Variants in DLG1 observed in about 807,000 individuals in gnomAD.
DLG1 encodes discs large MAGUK scaffold protein 1.
A neutral mutation model predicts 123.4 loss-of-function variants in DLG1; 42 were observed. That is an observed-to-expected ratio of 0.34 (90% CI 0.27 to 0.44). The LOEUF (loss-of-function observed/expected upper bound fraction) is 0.44, where lower values mean the gene tolerates loss of function less well. Ranked by LOEUF, DLG1 falls within the 20% of genes least tolerant of loss-of-function variation. DLG1 has a pLI of 1.00. For missense variants in DLG1, 942 were observed against 1,082.6 expected (o/e 0.87, Z 1.82); for synonymous variants, 317 against 356.2 (o/e 0.89, Z 1.24).
At chr3:197,147,472 C>CACACA (rs1791502241) in intron 6 of DLG1, among the ~76,000 whole-genome samples, 1 of 128,444 alleles carries the variant, frequency 7.8e-6, no homozygotes, top group Admixed American at 7.8e-5. Flanking sequence ...ACACACACAC[C>CACACA]ATGGAATACT....
intron 4 of DLG1, among the ~76,000 whole-genome samples, chr3:197,224,818 T>C (rs1738934621): frequency 6.6e-6 from 1 of 152,146 alleles, no homozygotes. Context: ...ACATCAGCAA[T>C]TGAAAAGTTT....
intron 15 of DLG1, among the ~76,000 whole-genome samples, chr3:197,086,957 C>A (rs185469225): frequency 3.3e-5 from 5 of 152,030 alleles, no homozygotes; most frequent in Non-Finnish European, 7.4e-5. Flanking sequence ...TCTCTACTTA[C>A]GTTAGCATTT....
At chr3:197,115,794 A>G in intron 13 of DLG1, 133 bp downstream of exon 13, 1 of 850,768 alleles carries the variant, frequency 1.2e-6, no homozygotes, top group Non-Finnish European at 1.8e-6. Context: ...CAATTCTACA[A>G]TTAAGCTGTA....
chr3:197,232,910 T>C (rs545647522), intron 4 of DLG1, among the ~76,000 whole-genome samples: 5 of 137,738 alleles, frequency 3.6e-5, no homozygotes, highest in African/African-American at 1.4e-4. Context: ...TGAAAGACGA[T>C]GCTTTCTCCT....
intron 5 of DLG1, among the ~76,000 whole-genome samples, chr3:197,178,513 C>T (rs1808354620): frequency 6.6e-6 from 1 of 152,014 alleles, no homozygotes; most frequent in Non-Finnish European, 1.5e-5. Flanking sequence ...ATATAAAAGT[C>T]TAATGTACAG....
At chr3:197,083,026 T>C (rs1330880771) in intron 16 of DLG1, among the ~76,000 whole-genome samples, 2 of 152,200 alleles carry the variant, frequency 1.3e-5, no homozygotes, top group Non-Finnish European at 1.5e-5. Context: ...CAACAAGGCA[T>C]AGAGGAAGCA....
At chr3:197,268,586 A>C (rs549502359) in intron 4 of DLG1, among the ~76,000 whole-genome samples, 1 of 151,546 alleles carries the variant, frequency 6.6e-6, no homozygotes, top group Non-Finnish European at 1.5e-5. Flanking sequence ...AACCACGCCT[A>C]ATTTTTTTTT....
intron 9 of DLG1, among the ~76,000 whole-genome samples, chr3:197,137,983 C>CAAAAA (rs754605972): frequency 6.7e-6 from 1 of 149,052 alleles, no homozygotes. Context: ...AAAAAACAAA[C>CAAAAA]AAAAAAACCC....
intron 4 of DLG1, among the ~76,000 whole-genome samples, chr3:197,259,361 CAAGAA>C (rs531319016): frequency 3.2e-4 from 49 of 152,216 alleles, no homozygotes; most frequent in African/African-American, 1.1e-3. Flanking sequence ...CTCTGAGCAA[CAAGAA>C]AAGAAAACTA....
In DLG1 at chr3:197,069,279, G is replaced by GAA; in HGVS notation, c.2006-21_2006-20dup. 6.4e-7 allele frequency: 1 copy of GAA among 1,558,640 alleles called. No individual in the cohort carries two copies. Among genetic ancestry groups the GAA allele is most frequent in the South Asian group, 1.2e-5 (1 of 83,304 alleles). ...ACATGCTCTGAAATTGCAGGACAAT[G>GAA]AAAAAAAATAAAACAGTGTCATGAG... On this transcript the variant is annotated intron_variant, in intron 18 of 24. Coordinates refer to ENST00000667157, the MANE Select transcript of DLG1 (RefSeq NM_001366207.1).
In DLG1 at chr3:197,199,052, G is replaced by A. The variant is rs374035724; in HGVS notation, c.319-4463C>T. On this transcript the variant is annotated intron_variant, in intron 4 of 24. Transcript: ENST00000667157. ...TAAAAGAGTAAATTTTACACTATAT[G>A]AGTACCTTCAAATTATTATAAAAAT... 3.3e-5 allele frequency among the ~76,000 whole-genome samples: 5 copies of A among 152,064 alleles called. No individual in the cohort carries two copies. The East Asian group carries it at 7.7e-4, about 23-fold the overall frequency.
intron 4 of DLG1, among the ~76,000 whole-genome samples, chr3:197,245,660 C>A (rs1751265298): frequency 6.6e-6 from 1 of 152,100 alleles, no homozygotes; most frequent in African/African-American, 2.4e-5. Context: ...TCTCTTTGGT[C>A]TGGTAACACC....
At chr3:197,249,674 T>G (rs1753439832) in intron 4 of DLG1, among the ~76,000 whole-genome samples, 1 of 152,178 alleles carries the variant, frequency 6.6e-6, no homozygotes, top group Non-Finnish European at 1.5e-5. Flanking sequence ...CAACAAAATA[T>G]TAGCAAACCA....
intron 4 of DLG1, among the ~76,000 whole-genome samples, chr3:197,233,806 CA>C (rs1220215834): frequency 1.3e-5 from 2 of 152,238 alleles, no homozygotes; most frequent in African/African-American, 4.8e-5. Flanking sequence ...AGGCGTAAGC[CA>C]CCGTGCCCAG....
intron 3 of DLG1, among the ~76,000 whole-genome samples, chr3:197,283,650 G>A (rs1770422515): frequency 1.3e-5 from 2 of 152,062 alleles, no homozygotes; most frequent in Non-Finnish European, 1.5e-5. Context: ...GATTCACCAC[G>A]CTTAATTCCT....
In DLG1 at chr3:197,197,276, A is replaced by G. The variant is rs368615789; in HGVS notation, c.319-2687T>C. Among the ~76,000 whole-genome samples, 441 of 152,312 alleles carry G rather than the reference A, an allele frequency of 2.9e-3. 4 individuals are homozygous for G. The highest frequency in any genetic ancestry group is 0.01 in the African/African-American group (420 of 41,562). On this transcript the variant is annotated intron_variant, in intron 4 of 24. Transcript: ENST00000667157. ...GTAAGACTACAGGTGGTGGTGTGTT[A>G]TTTTATCAGAAAGCATATAATACCT...
chr3:197,086,830 C>T (rs1180126477), intron 15 of DLG1, among the ~76,000 whole-genome samples: 1 of 152,054 alleles, frequency 6.6e-6, no homozygotes, highest in Non-Finnish European at 1.5e-5. Flanking sequence ...AGAGGTAGTA[C>T]AAATGTCAAG....
At chr3:197,204,740 A>G (rs62283574) in intron 4 of DLG1, among the ~76,000 whole-genome samples, 19,839 of 152,278 alleles carry the variant, frequency 0.13, 1,745 homozygotes, top group South Asian at 0.35. Flanking sequence ...AGGTATTATA[A>G]GTAATTCAGA....
At chr3:197,095,380 C>A (rs530163904) in intron 14 of DLG1, among the ~76,000 whole-genome samples, 2 of 152,012 alleles carry the variant, frequency 1.3e-5, no homozygotes, top group Middle Eastern at 6.8e-3. Flanking sequence ...TTAGTTGTCA[C>A]GTCTTTTTAG....
Sources: gnomAD v4.1 joint callset for allele counts (sites outside exome capture counted in the v4.1 genomes callset) on GRCh38, gnomAD v4.1.1 for gene constraint, MANE v1.5 for transcripts, NCBI Gene and HGNC (gene_info 2026-07-23, HGNC 2026-07-21) for gene names.